Variants in PTGER2 observed in about 807,000 individuals in gnomAD.
PTGER2 encodes prostaglandin E receptor 2, also known as prostaglandin E2 receptor EP2 subtype.
A neutral mutation model predicts 26.2 loss-of-function variants in PTGER2; 22 were observed. The ratio of observed to expected loss-of-function variants is 0.84; its 90% CI spans 0.60 to 1.20. The LOEUF (loss-of-function observed/expected upper bound fraction) is 1.20, where lower values mean the gene tolerates loss of function less well. PTGER2 is among the 50% of genes most tolerant of loss of function. The pLI, the probability that PTGER2 is intolerant of heterozygous loss-of-function variation, is 0.00. For missense variants in PTGER2, 458 were observed against 475.2 expected (o/e 0.96, Z 0.34); for synonymous variants, 219 against 208.9 (o/e 1.05, Z -0.42).
At chr14:52,320,789 A>T (rs1458426723) in intron 1 of PTGER2, among the ~76,000 whole-genome samples, 1 of 152,190 alleles carries the variant, frequency 6.6e-6, no homozygotes, top group Admixed American at 6.6e-5. Flanking sequence ...AACTAAACCT[A>T]AGAACCTTGC....
At chr14:52,320,139 T>A (rs1218153964) in intron 1 of PTGER2, among the ~76,000 whole-genome samples, 1 of 152,212 alleles carries the variant, frequency 6.6e-6, no homozygotes, top group Admixed American at 6.5e-5. Context: ...CATAAACAAC[T>A]GGAAGGCCCT....
At chr14:52,316,369 A>C (rs1485683221) in intron 1 of PTGER2, among the ~76,000 whole-genome samples, 1 of 152,226 alleles carries the variant, frequency 6.6e-6, no homozygotes, top group Admixed American at 6.5e-5. Context: ...AGTCTCCTCA[A>C]GTGTAACGTT....
chr14:52,316,572 C>G (rs1566495100), intron 1 of PTGER2, among the ~76,000 whole-genome samples: 1 of 152,220 alleles, frequency 6.6e-6, no homozygotes, highest in Non-Finnish European at 1.5e-5. Context: ...ATTAACAGGT[C>G]TGACCTGTAA....
intron 1 of PTGER2, among the ~76,000 whole-genome samples, chr14:52,317,174 T>G (rs2033849589): frequency 6.6e-6 from 1 of 152,208 alleles, no homozygotes; most frequent in African/African-American, 2.4e-5. Context: ...TTCTTAGGGT[T>G]TTATCTGTCA....
In PTGER2 at chr14:52,327,339, C is replaced by T; in HGVS notation, c.962C>T (p.Pro321Leu). The T allele has an allele frequency of 6.2e-7, 1 of 1,612,948 alleles. No individual in the cohort carries two copies. The highest frequency in any genetic ancestry group is 8.5e-7 in the Non-Finnish European group (1 of 1,178,982). ...DPWVFAILRP[P>L]VLRLMRSVLC... is the part of the protein sequence containing the mutation. ...TGGGTCTTTGCCATCCTTAGGCCTC[C>T]TGTTCTGAGACTAATGCGTTCAGTC... Residue 321 changes from proline (P) to leucine (L), a missense_variant, in exon 2 of 2, where the codon CCT becomes CTT. By Grantham distance (98) the Pro-to-Leu change is moderately conservative. Transcript: ENST00000245457.
intron 1 of PTGER2, among the ~76,000 whole-genome samples, chr14:52,323,948 A>G (rs1468061517): frequency 6.6e-6 from 1 of 152,242 alleles, no homozygotes; most frequent in Non-Finnish European, 1.5e-5. Context: ...GAATTGCCGA[A>G]TATCACTGAC....
Position 52,327,643 on chromosome 14 carries a change from A to G in PTGER2, c.*189A>G, listed in dbSNP as rs1290765189. On this transcript the variant is annotated 3_prime_UTR_variant, in exon 2 of 2. Coordinates refer to ENST00000245457, the MANE Select transcript of PTGER2 (RefSeq NM_000956.4). ...GCACTTCATGTAAAGTGTCAGAAGG[A>G]GCTACAAAACCTACCCTCAGTGAGC... The G allele has an allele frequency of 7.1e-6, 4 of 559,616 alleles. No individual in the cohort carries two copies. The highest frequency in any genetic ancestry group is 1.2e-5 in the Non-Finnish European group (4 of 323,134). The allele number at this position is 559,616 out of a possible 1,614,324, so 34.7% of individuals were successfully genotyped here.
At chr14:52,326,297 C>G (rs533248444) in intron 1 of PTGER2, among the ~76,000 whole-genome samples, 26 of 152,324 alleles carry the variant, frequency 1.7e-4, no homozygotes, top group African/African-American at 6.3e-4. Context: ...GCACTGGCAT[C>G]AGGAGAGTTG....
rs34414213 is a variant in PTGER2 at position 52,315,358 on chromosome 14, C to T, written c.810C>T (p.Thr270=). The T allele has an allele frequency of 5.5e-4, 886 of 1,613,486 alleles. 5 individuals are homozygous for T. The African/African-American group carries it at 0.01, about 19-fold the overall frequency. ...ACCTCATTCTCCTGGCTATCATGAC[C>T]ATCACCTTCGCCGTCTGCTCCTTGC... ...TDHLILLAIM[T]ITFAVCSLPF... Residue 270 remains threonine, a synonymous_variant, in exon 1 of 2, where the codon ACC becomes ACT. Coordinates refer to ENST00000245457, the MANE Select transcript of PTGER2 (RefSeq NM_000956.4).
intron 1 of PTGER2, among the ~76,000 whole-genome samples, chr14:52,321,954 T>A (rs1239223169): frequency 6.6e-6 from 1 of 152,236 alleles, no homozygotes; most frequent in East Asian, 1.9e-4. Context: ...GATAAATGAA[T>A]AATTTTAAAC....
chr14:52,320,134 A>G (rs2033880487), intron 1 of PTGER2, among the ~76,000 whole-genome samples: 1 of 152,226 alleles, frequency 6.6e-6, no homozygotes, highest in Non-Finnish European at 1.5e-5. Context: ...ATGTCCATAA[A>G]CAACTGGAAG....
chr14:52,317,730 C>T (rs1470542924), intron 1 of PTGER2, among the ~76,000 whole-genome samples: 1 of 152,188 alleles, frequency 6.6e-6, no homozygotes, highest in East Asian at 1.9e-4. Context: ...ACTGCTTTTG[C>T]TTCTGGCAAA....
intron 1 of PTGER2, among the ~76,000 whole-genome samples, chr14:52,322,913 G>A (rs2033912242): frequency 6.6e-6 from 1 of 152,052 alleles, no homozygotes; most frequent in Admixed American, 6.5e-5. Flanking sequence ...CTGTTATTCT[G>A]TTCTTTTTCA....
intron 1 of PTGER2, among the ~76,000 whole-genome samples, chr14:52,318,934 G>A (rs999208677): frequency 3.9e-5 from 6 of 152,242 alleles, no homozygotes; most frequent in South Asian, 2.1e-4. Flanking sequence ...TCACAGCACC[G>A]TAGGAAATAG....
chr14:52,326,400 G>T (rs1396421209), intron 1 of PTGER2, among the ~76,000 whole-genome samples: 1 of 152,170 alleles, frequency 6.6e-6, no homozygotes, highest in Non-Finnish European at 1.5e-5. Context: ...TTGTAAAATG[G>T]ATATAATAAC....
intron 1 of PTGER2, among the ~76,000 whole-genome samples, chr14:52,316,827 G>A (rs1003832276): frequency 5.3e-5 from 8 of 152,180 alleles, no homozygotes; most frequent in Non-Finnish European, 1.0e-4. Context: ...CACTTTGAGG[G>A]AATGAGATAG....
At position 52,315,081 on chromosome 14, in the gene PTGER2, A is replaced by G. The variant is rs774129211; in HGVS notation, c.533A>G (p.Tyr178Cys). Reference protein sequence around the residue: ...CSLPLLDYGQYVQYCPGTWCF... With the variant: ...CSLPLLDYGQCVQYCPGTWCF... ...CTGCCGCTGCTGGACTATGGGCAGT[A>G]CGTCCAGTACTGCCCCGGGACCTGG... The change falls in exon 1 of 2, where the codon TAC (tyrosine) becomes TGC (cysteine). Residue 178 changes from tyrosine (Y) to cysteine (C), a missense_variant. Tyr to Cys is a radical substitution (Grantham distance 194). Transcript: ENST00000245457. The G allele has an allele frequency of 2.5e-6, 4 of 1,610,918 alleles. No individual in the cohort carries two copies. The highest frequency in any genetic ancestry group is 3.4e-6 in the Non-Finnish European group (4 of 1,179,816).
At chr14:52,323,862 C>T (rs1055243338) in intron 1 of PTGER2, among the ~76,000 whole-genome samples, 6 of 152,176 alleles carry the variant, frequency 3.9e-5, no homozygotes, top group African/African-American at 1.4e-4. Context: ...GGGATTAGCA[C>T]TTGGTATTTT....
intron 1 of PTGER2, among the ~76,000 whole-genome samples, chr14:52,322,374 G>T (rs1201886076): frequency 6.6e-6 from 1 of 152,128 alleles, no homozygotes; most frequent in African/African-American, 2.4e-5. Context: ...ACATGCTTCT[G>T]AGGAAACAGG....
Sources: allele counts gnomAD v4.1 joint callset (sites outside exome capture counted in the v4.1 genomes callset), GRCh38; gene constraint gnomAD v4.1.1; transcripts MANE v1.5; gene names NCBI Gene and HGNC (gene_info 2026-07-23, HGNC 2026-07-21).